The following PTPRT variants were observed in gnomAD, a reference collection of about 807,000 sequenced individuals.
The protein encoded by PTPRT is protein tyrosine phosphatase receptor type T.
In PTPRT, 56 loss-of-function variants were observed where a neutral mutation model predicts 176.8. That is an observed-to-expected ratio of 0.32 (90% confidence interval 0.26 to 0.40). PTPRT has a LOEUF of 0.40. Among genes scored for constraint, PTPRT ranks in the 10% least tolerant of loss-of-function variants. The probability of loss-of-function intolerance (pLI) is 1.00; values close to 1 mark genes in which losing one functional copy is unlikely to be tolerated. For synonymous variants in PTPRT, 783 were observed against 739.0 expected, an observed-to-expected ratio of 1.06 and a Z score of -0.96; for missense variants, 1,540 against 1,908.2, an observed-to-expected ratio of 0.81 and a Z score of 3.60.
At chr20:42,812,859 T>C (rs138686446) in intron 2 of PTPRT, among the ~76,000 whole-genome samples, 1 of 152,224 alleles carries the variant, frequency 6.6e-6, no homozygotes, top group African/African-American at 2.4e-5. Flanking sequence ...AATTTGTTAT[T>C]GTTGTTATAC....
chr20:42,699,578 A>G (rs962739163), intron 6 of PTPRT, among the ~76,000 whole-genome samples: 2 of 152,222 alleles, frequency 1.3e-5, no homozygotes, highest in African/African-American at 2.4e-5. Context: ...TATGAAACAC[A>G]TAAGAGAACA....
intron 1 of PTPRT, among the ~76,000 whole-genome samples, chr20:42,981,708 A>G (rs1256809673): frequency 6.6e-6 from 1 of 152,374 alleles, no homozygotes; most frequent in South Asian, 2.1e-4. Flanking sequence ...CCAGAGAAGA[A>G]TAACCACCTA....
Position 42,072,974 on chromosome 20 carries a change from G to GAA in PTPRT, c.*7903_*7904dup. ...TGCTTTTCTGAGCTAGAATTGAAAA[G>GAA]AAAAAAAAAACATTGACAGCACAGT... On this transcript the variant is annotated 3_prime_UTR_variant, in exon 31 of 31. Transcript: ENST00000373187. 5 of 211,582 alleles carry GAA rather than the reference G, an allele frequency of 2.4e-5. No homozygotes were observed. Among genetic ancestry groups the GAA allele is most frequent in the African/African-American group, 2.3e-5 (1 of 43,952 alleles). 13.1% of individuals were successfully genotyped at this position (211,582 alleles called of 1,614,324 possible).
In PTPRT at chr20:42,072,974, GA is replaced by G. The variant is rs3838030; in HGVS notation, c.*7904del. ...TGCTTTTCTGAGCTAGAATTGAAAA[GA>G]AAAAAAAAACATTGACAGCACAGTG... On this transcript the variant is annotated 3_prime_UTR_variant, in exon 31 of 31. Transcript: ENST00000373187. 27,888 of 211,574 alleles carry G rather than the reference GA, an allele frequency of 0.13. 4,794 individuals carry two copies. Among genetic ancestry groups the G allele is most frequent in the African/African-American group, 0.46 (20,095 of 43,952 alleles). 13.1% of individuals were successfully genotyped at this position (211,574 alleles called of 1,614,324 possible).
At chr20:42,548,114 G>A (rs989752758) in intron 7 of PTPRT, among the ~76,000 whole-genome samples, 1 of 152,008 alleles carries the variant, frequency 6.6e-6, no homozygotes, top group Non-Finnish European at 1.5e-5. Context: ...ATCTTGGATA[G>A]GATACAATGA....
chr20:42,758,913 C>T (rs1335781153), intron 5 of PTPRT, among the ~76,000 whole-genome samples: 1 of 152,240 alleles, frequency 6.6e-6, no homozygotes, highest in African/African-American at 2.4e-5. Context: ...CATCCAGCTT[C>T]CTCATGCCTT....
chr20:42,517,583 A>T lies in PTPRT; in HGVS notation c.1154-45021T>A, dbSNP rs559720228. On this transcript the variant is annotated intron_variant, in intron 7 of 30. Transcript: ENST00000373187. The stretch of plus-strand genomic sequence containing the variant: ...AACTTTGAAGTGTGATGCATAGTCC[A>T]TTAATTTTCAACTTTACATCTTTGC... Among the ~76,000 whole-genome samples, 34 of 152,072 alleles carry T rather than the reference A, an allele frequency of 2.2e-4. No individual in the cohort carries two copies. The South Asian group carries it at 4.8e-3, about 21-fold the overall frequency.
At chr20:42,361,354 A>G (rs1249753592) in intron 9 of PTPRT, among the ~76,000 whole-genome samples, 1 of 152,178 alleles carries the variant, frequency 6.6e-6, no homozygotes, top group Non-Finnish European at 1.5e-5. Flanking sequence ...GCTTTTTAGA[A>G]AATAGCCCAT....
chr20:43,138,603 G>A (rs755052337), intron 1 of PTPRT, among the ~76,000 whole-genome samples: 19 of 152,290 alleles, frequency 1.2e-4, no homozygotes, highest in Non-Finnish European at 2.6e-4. Context: ...CATGTAACAC[G>A]GTAATAGTTC....
intron 1 of PTPRT, among the ~76,000 whole-genome samples, chr20:43,024,997 C>G (rs1014289459): frequency 6.6e-6 from 1 of 152,190 alleles, no homozygotes; most frequent in African/African-American, 2.4e-5. Flanking sequence ...TTAAACATCT[C>G]AAAAGATCAT....
At chr20:42,204,375 A>C (rs541486065) in intron 15 of PTPRT, among the ~76,000 whole-genome samples, 1 of 152,302 alleles carries the variant, frequency 6.6e-6, no homozygotes, top group East Asian at 1.9e-4. Flanking sequence ...AGAGCCTTCA[A>C]AACTCAAGTA....
chr20:42,629,342 G>A (rs1600501206), intron 7 of PTPRT, among the ~76,000 whole-genome samples: 1 of 152,158 alleles, frequency 6.6e-6, no homozygotes, highest in Non-Finnish European at 1.5e-5. Context: ...AGAATGCAAA[G>A]ATCAGTCAAC....
intron 8 of PTPRT, among the ~76,000 whole-genome samples, chr20:42,461,193 G>A (rs934217861): frequency 6.6e-6 from 1 of 152,296 alleles, no homozygotes; most frequent in African/African-American, 2.4e-5. Context: ...CGGGTGTGGT[G>A]GCACATGCCT....
At chr20:42,801,593 T>C (rs541761989) in intron 2 of PTPRT, among the ~76,000 whole-genome samples, 2 of 152,238 alleles carry the variant, frequency 1.3e-5, no homozygotes, top group African/African-American at 4.8e-5. Flanking sequence ...GAAGAGTTTT[T>C]ATCCTCTTAG....
chr20:42,545,946 G>GT (rs1312872975), intron 7 of PTPRT, among the ~76,000 whole-genome samples: 1 of 151,992 alleles, frequency 6.6e-6, no homozygotes, highest in Non-Finnish European at 1.5e-5. Flanking sequence ...ATGTATATGT[G>GT]TTTTTTTCTA....
At chr20:42,959,122 C>G (rs1217709451) in intron 1 of PTPRT, among the ~76,000 whole-genome samples, 1 of 152,138 alleles carries the variant, frequency 6.6e-6, no homozygotes, top group African/African-American at 2.4e-5. Flanking sequence ...CAAAACTGGA[C>G]TACTTGGGTT....
intron 7 of PTPRT, among the ~76,000 whole-genome samples, chr20:42,474,954 C>T (rs769667899): frequency 4.7e-4 from 72 of 152,150 alleles, no homozygotes; most frequent in Non-Finnish European, 9.8e-4. Flanking sequence ...CTCTCACCTC[C>T]CTCCTGAGGC....
At chr20:42,459,241 G>A (rs2070976276) in intron 8 of PTPRT, among the ~76,000 whole-genome samples, 3 of 152,202 alleles carry the variant, frequency 2.0e-5, no homozygotes, top group African/African-American at 7.2e-5. Context: ...AACTGAATTT[G>A]CATAGTGAGG....
At chr20:42,811,327 C>T (rs951995726) in intron 2 of PTPRT, among the ~76,000 whole-genome samples, 6 of 151,274 alleles carry the variant, frequency 4.0e-5, no homozygotes, top group African/African-American at 7.3e-5. Flanking sequence ...GGCGGATGGA[C>T]GGAAGAATAG....
Sources: gnomAD v4.1 joint callset for allele counts (sites outside exome capture counted in the v4.1 genomes callset) on GRCh38, gnomAD v4.1.1 for gene constraint, MANE v1.5 for transcripts, NCBI Gene and HGNC (gene_info 2026-07-23, HGNC 2026-07-21) for gene names.